The following PMFBP1 variants were observed in gnomAD, a reference collection of about 807,000 sequenced individuals.
PMFBP1 encodes polyamine-modulated factor 1-binding protein 1.
In PMFBP1, 131 loss-of-function variants were observed where a neutral mutation model predicts 137.8. That is an observed-to-expected ratio of 0.95 (90% confidence interval 0.82 to 1.10). The LOEUF is 1.10. PMFBP1 is among the 50% of genes least tolerant of loss of function. The pLI, the probability that PMFBP1 is intolerant of heterozygous loss-of-function variation, is 0.00. For synonymous variants in PMFBP1, 490 were observed against 450.4 expected, an observed-to-expected ratio of 1.09 and a Z score of -1.11; for missense variants, 1,199 against 1,175.4, an observed-to-expected ratio of 1.02 and a Z score of -0.29.
chr16:72,237,383 G>A, the PMFBP1 span, among the ~76,000 whole-genome samples: 1 of 151,906 alleles, frequency 6.6e-6, no homozygotes, highest in Admixed American at 6.6e-5. Flanking sequence ...CTAGGGTTTG[G>A]CCTGCTTTCC....
intron 17 of PMFBP1, among the ~76,000 whole-genome samples, chr16:72,124,450 G>A (rs974625552): frequency 3.3e-5 from 5 of 152,220 alleles, no homozygotes; most frequent in African/African-American, 1.2e-4. Flanking sequence ...CTACTGTAGG[G>A]TCCAGGGCTG....
At chr16:72,136,631 T>C in intron 8 of PMFBP1, 26 bp from the exon 9 acceptor site, 1 of 1,614,106 alleles carries the variant, frequency 6.2e-7, no homozygotes. Flanking sequence ...ACAGAGTCTA[T>C]GCTCAGGGGA....
At chr16:72,174,637 T>C (rs1222355900), upstream of PMFBP1, among the ~76,000 whole-genome samples, 1 of 152,232 alleles carries the variant, frequency 6.6e-6, no homozygotes, top group Non-Finnish European at 1.5e-5. Flanking sequence ...CTCATAGTTC[T>C]GCATGGCTGG....
chr16:72,141,268 AT>A (rs1201838753), intron 5 of PMFBP1, among the ~76,000 whole-genome samples: 1 of 152,132 alleles, frequency 6.6e-6, no homozygotes, highest in African/African-American at 2.4e-5. Context: ...GTATTTAAAC[AT>A]TGTGTTTTCA....
chr16:72,203,388 T>C, the PMFBP1 span, among the ~76,000 whole-genome samples: 1 of 152,228 alleles, frequency 6.6e-6, no homozygotes, highest in East Asian at 1.9e-4. Flanking sequence ...AACTTTCCAA[T>C]GTTCCTTCCT....
chr16:72,120,132 G>A, intron 19 of PMFBP1, 43 bp from the exon 20 acceptor site: 1 of 1,613,524 alleles, frequency 6.2e-7, no homozygotes. Context: ...GGGGCTGCTG[G>A]CTCTGGTTGG....
At chr16:72,188,908 C>G in the PMFBP1 span, among the ~76,000 whole-genome samples, 1 of 152,272 alleles carries the variant, frequency 6.6e-6, no homozygotes, top group African/African-American at 2.4e-5. Context: ...TTGTGCCAGG[C>G]TAGGATTTAG....
chr16:72,210,044 G>T, the PMFBP1 span, among the ~76,000 whole-genome samples: 1 of 152,100 alleles, frequency 6.6e-6, no homozygotes, highest in African/African-American at 2.4e-5. Flanking sequence ...ACCTTTCCTT[G>T]CTTGTTCTCA....
At chr16:72,193,226 T>C in the PMFBP1 span, among the ~76,000 whole-genome samples, 45 of 151,870 alleles carry the variant, frequency 3.0e-4, no homozygotes, top group Admixed American at 1.4e-3. Flanking sequence ...GTCTCTACAA[T>C]AAAATAAAAT....
At chr16:72,199,497 T>C in the PMFBP1 span, among the ~76,000 whole-genome samples, 1 of 151,622 alleles carries the variant, frequency 6.6e-6, no homozygotes, top group African/African-American at 2.4e-5. Context: ...CTACTAAAAA[T>C]ACAAAAATTA....
downstream of PMFBP1, among the ~76,000 whole-genome samples, chr16:72,116,952 GTTC>G (rs750320461): frequency 4.1e-4 from 58 of 140,258 alleles, 1 homozygote; most frequent in Admixed American, 1.3e-3. Context: ...CTTCAGCTTT[GTTC>G]TTCTTTTTTG....
the PMFBP1 span, among the ~76,000 whole-genome samples, chr16:72,248,608 T>C: frequency 1.3e-5 from 2 of 152,330 alleles, no homozygotes; most frequent in South Asian, 4.1e-4. Flanking sequence ...CCAAAACAAA[T>C]ACTTTGAAAG....
Position 72,133,156 on chromosome 16 carries a change from A to C in PMFBP1, c.1204-165T>G, listed in dbSNP as rs556212151. On this transcript the variant is annotated intron_variant, in intron 9 of 20. Transcript: ENST00000237353. The stretch of plus-strand genomic sequence containing the variant: ...GTTCCCCTCAGGCTATTCTCCACGC[A>C]GTTGAGAGAGGGAGTCTTTATAATT... Among the ~76,000 whole-genome samples, 83 of 152,154 alleles carry C rather than the reference A, an allele frequency of 5.5e-4. 1 individual carries two copies. Among genetic ancestry groups the C allele is most frequent in the African/African-American group, 1.8e-3 (73 of 41,522 alleles).
At chr16:72,228,715 A>C in the PMFBP1 span, among the ~76,000 whole-genome samples, 3 of 152,192 alleles carry the variant, frequency 2.0e-5, no homozygotes, top group Non-Finnish European at 2.9e-5. Flanking sequence ...ATAGTTTTGC[A>C]GAAGCAGATT....
At position 72,120,393 on chromosome 16, in the gene PMFBP1, C is replaced by T. The variant is rs150360687; in HGVS notation, c.2769-304G>A. 2.4e-4 allele frequency among the ~76,000 whole-genome samples: 36 copies of T among 152,176 alleles called. 1 individual carries two copies. The East Asian group carries it at 5.8e-3, about 25-fold the overall frequency. On this transcript the variant is annotated intron_variant, in intron 19 of 20. Transcript: ENST00000237353. ...CCTGGCCTGACTGATGGGATTCATA[C>T]GAGGATCTGGTTTGATAAATGATAG...
chr16:72,121,994 C>T (rs1188982728), intron 19 of PMFBP1, among the ~76,000 whole-genome samples: 9 of 152,084 alleles, frequency 5.9e-5, no homozygotes. Context: ...TTTCATCACC[C>T]AGGAATTAAG....
At chr16:72,170,354 A>C (rs907070263) in intron 2 of PMFBP1, among the ~76,000 whole-genome samples, 1 of 152,104 alleles carries the variant, frequency 6.6e-6, no homozygotes, top group African/African-American at 2.4e-5. Flanking sequence ...CATATGGTAC[A>C]TGGGACAATC....
intron 9 of PMFBP1, among the ~76,000 whole-genome samples, chr16:72,135,497 G>T (rs370311011): frequency 6.6e-6 from 1 of 151,382 alleles, no homozygotes; most frequent in African/African-American, 2.4e-5. Context: ...GATTACAAGC[G>T]TGGGCCACCG....
At chr16:72,198,145 T>C in the PMFBP1 span, among the ~76,000 whole-genome samples, 1 of 152,152 alleles carries the variant, frequency 6.6e-6, no homozygotes, top group Non-Finnish European at 1.5e-5. Context: ...GAATGTGAAC[T>C]TGAATGTACT....
Sources: gnomAD v4.1 joint callset for allele counts (sites outside exome capture counted in the v4.1 genomes callset) on GRCh38, gnomAD v4.1.1 for gene constraint, MANE v1.5 for transcripts, NCBI Gene and HGNC (gene_info 2026-07-23, HGNC 2026-07-21) for gene names.